Variants in PCSK5 observed in about 807,000 individuals in gnomAD.
PCSK5 encodes the protein proprotein convertase subtilisin/kexin type 5.
Under a neutral mutation model 233.2 loss-of-function variants are expected in PCSK5, and 129 were observed. The ratio of observed to expected loss-of-function variants is 0.55; its 90% CI spans 0.48 to 0.64. The LOEUF (loss-of-function observed/expected upper bound fraction) is 0.64, where lower values mean the gene tolerates loss of function less well. Ranked by LOEUF, PCSK5 falls within the 30% of genes least tolerant of loss-of-function variation. The pLI is 0.00. For synonymous variants in PCSK5, 825 were observed against 879.2 expected (o/e 0.94, Z 1.09); for missense variants, 2,076 against 2,430.1 (o/e 0.85, Z 3.06).
At chr9:75,917,352 A>G (rs1823051340) in intron 1 of PCSK5, among the ~76,000 whole-genome samples, 1 of 152,228 alleles carries the variant, frequency 6.6e-6, no homozygotes, top group Non-Finnish European at 1.5e-5. Context: ...CAGATAATCC[A>G]GAACACTTTG....
intron 2 of PCSK5, among the ~76,000 whole-genome samples, chr9:75,965,445 G>A (rs1825541283): frequency 6.6e-6 from 1 of 152,170 alleles, no homozygotes; most frequent in African/African-American, 2.4e-5. Context: ...TGAGAACCAG[G>A]GGAGCCACTG....
intron 1 of PCSK5, among the ~76,000 whole-genome samples, chr9:75,902,832 C>T (rs1826099890): frequency 6.6e-6 from 1 of 152,162 alleles, no homozygotes; most frequent in Admixed American, 6.5e-5. Flanking sequence ...AGGTCCCTTA[C>T]CAACTTAAGG....
At chr9:76,015,125 G>T (rs1252210874) in intron 3 of PCSK5, among the ~76,000 whole-genome samples, 1 of 152,210 alleles carries the variant, frequency 6.6e-6, no homozygotes, top group Non-Finnish European at 1.5e-5. Context: ...AGCCAAGGGT[G>T]TAAGTCCCAG....
rs561865175 is a variant in PCSK5, at chr9:75,996,350, C to T, written c.411+10105C>T. On this transcript the variant is annotated intron_variant, in intron 3 of 37. Coordinates refer to ENST00000674117, the MANE Select transcript of PCSK5 (RefSeq NM_001372043.1). ...AATAGTAAATGCAATGACCATGTTGCCTTCTTTAATGAAGTTTAAGGGGAG... is the reference window on the plus strand; with the variant it reads ...AATAGTAAATGCAATGACCATGTTGTCTTCTTTAATGAAGTTTAAGGGGAG... 2.0e-3 allele frequency among the ~76,000 whole-genome samples: 301 copies of T among 152,228 alleles called. 1 individual carries two copies. Among genetic ancestry groups the T allele is most frequent in the African/African-American group, 6.6e-3 (276 of 41,564 alleles).
chr9:76,168,520 T>G (rs1188770605), intron 12 of PCSK5, among the ~76,000 whole-genome samples: 1 of 152,194 alleles, frequency 6.6e-6, no homozygotes, highest in Non-Finnish European at 1.5e-5. Context: ...TTGTTTTCTT[T>G]CCCTTCATAC....
At chr9:76,177,659 T>C (rs879600159) in intron 14 of PCSK5, among the ~76,000 whole-genome samples, 26 of 152,200 alleles carry the variant, frequency 1.7e-4, no homozygotes, top group Admixed American at 1.6e-3. Context: ...AAATAGAGTA[T>C]AATAGTAAGC....
At chr9:76,203,873 G>A (rs972562204) in intron 20 of PCSK5, among the ~76,000 whole-genome samples, 1 of 152,124 alleles carries the variant, frequency 6.6e-6, no homozygotes, top group Non-Finnish European at 1.5e-5. Context: ...CTGAAGGGAG[G>A]CTGCCTGGGT....
rs1390032916 is a variant in PCSK5 at position 76,338,272 on chromosome 9, C to G, written c.4791C>G (p.Asn1597Lys). 6.2e-7 allele frequency: 1 copy of G among 1,612,668 alleles called. No individual in the cohort carries two copies. The part of the protein sequence containing the change: ...DNSTGRCERC[N>K]RSCKGCQGPR... Reference sequence around the variant, plus strand: ...CCACTGGCCGGTGTGAGAGGTGCAACAGGAGCTGCAAGGGGTGCCAGGGCC... The same window carrying G: ...CCACTGGCCGGTGTGAGAGGTGCAAGAGGAGCTGCAAGGGGTGCCAGGGCC... The change falls in exon 35 of 38, where the codon AAC (asparagine) becomes AAG (lysine). Residue 1597 changes from asparagine to lysine, a missense_variant. Physicochemically the swap from Asn to Lys is moderately conservative, Grantham distance 94 (BLOSUM62 0). Transcript: ENST00000674117.
intron 10 of PCSK5, among the ~76,000 whole-genome samples, chr9:76,151,201 A>T (rs1823659850): frequency 6.6e-6 from 1 of 152,118 alleles, no homozygotes; most frequent in African/African-American, 2.4e-5. Context: ...GGTTCAGCAC[A>T]TTGAGGATCA....
At chr9:76,032,666 C>T (rs1828697646) in intron 5 of PCSK5, among the ~76,000 whole-genome samples, 1 of 152,184 alleles carries the variant, frequency 6.6e-6, no homozygotes. Flanking sequence ...TTCATATTAG[C>T]TTGCCAAATA....
At chr9:76,340,506 G>A (rs71509863) in intron 35 of PCSK5, among the ~76,000 whole-genome samples, 33,781 of 151,460 alleles carry the variant, frequency 0.22, 3,893 homozygotes, top group Middle Eastern at 0.41. Context: ...TTAGCCAGGC[G>A]TAGTGGCGGG....
intron 37 of PCSK5, among the ~76,000 whole-genome samples, chr9:76,357,958 G>A (rs1041668838): frequency 1.1e-4 from 17 of 152,106 alleles, no homozygotes; most frequent in Non-Finnish European, 2.5e-4. Flanking sequence ...GTTGGAATTG[G>A]GAAAGAAAAT....
At chr9:76,211,148 T>C (rs1825314911) in intron 20 of PCSK5, among the ~76,000 whole-genome samples, 1 of 152,200 alleles carries the variant, frequency 6.6e-6, no homozygotes, top group African/African-American at 2.4e-5. Flanking sequence ...TAGAAACCAC[T>C]ACTTTATGGA....
At chr9:75,928,930 T>G (rs1432743717) in intron 1 of PCSK5, among the ~76,000 whole-genome samples, 1 of 151,072 alleles carries the variant, frequency 6.6e-6, no homozygotes, top group Admixed American at 6.6e-5. Context: ...GATTCTGATA[T>G]TTATTTATTT....
chr9:76,098,587 G>GA (rs748706571), intron 8 of PCSK5, among the ~76,000 whole-genome samples: 36 of 152,348 alleles, frequency 2.4e-4, no homozygotes, highest in Middle Eastern at 3.4e-3. Flanking sequence ...TCTGGAGTTT[G>GA]AAATCATCTT....
At chr9:76,342,353 C>T (rs986327188) in intron 35 of PCSK5, among the ~76,000 whole-genome samples, 1 of 152,104 alleles carries the variant, frequency 6.6e-6, no homozygotes, top group Admixed American at 6.6e-5. Flanking sequence ...TAAGCAAAGG[C>T]CAACCTGTTA....
intron 5 of PCSK5, among the ~76,000 whole-genome samples, chr9:76,040,128 G>T (rs749243491): frequency 6.6e-6 from 1 of 152,076 alleles, no homozygotes; most frequent in African/African-American, 2.4e-5. Flanking sequence ...TCTTTTTTAC[G>T]TATAAGGAAT....
intron 30 of PCSK5, among the ~76,000 whole-genome samples, chr9:76,314,329 G>A (rs1033452958): frequency 6.6e-6 from 1 of 152,150 alleles, no homozygotes; most frequent in Non-Finnish European, 1.5e-5. Context: ...ATGCCCTCCT[G>A]TTATGGGTAG....
chr9:76,180,451 G>A (rs1184389992), intron 15 of PCSK5, among the ~76,000 whole-genome samples: 1 of 152,140 alleles, frequency 6.6e-6, no homozygotes, highest in Non-Finnish European at 1.5e-5. Flanking sequence ...GGTTGGTCCT[G>A]CTTGATCTCA....
Sources: allele counts gnomAD v4.1 joint callset (sites outside exome capture counted in the v4.1 genomes callset), GRCh38; gene constraint gnomAD v4.1.1; transcripts MANE v1.5; gene names NCBI Gene and HGNC (gene_info 2026-07-23, HGNC 2026-07-21).